Variants in ZDHHC5 observed in about 807,000 individuals in gnomAD.
ZDHHC5 encodes the protein zDHHC palmitoyltransferase 5.
A neutral mutation model predicts 70.0 loss-of-function variants in ZDHHC5; 22 were observed. That is an observed-to-expected ratio of 0.31 (90% CI 0.22 to 0.45). The LOEUF is 0.45. ZDHHC5 is among the 20% of genes least tolerant of loss of function. The pLI, the probability that ZDHHC5 is intolerant of heterozygous loss-of-function variation, is 1.00. For missense variants in ZDHHC5, 746 were observed against 926.9 expected, an observed-to-expected ratio of 0.80 and a Z score of 2.53; for synonymous variants, 313 against 347.8, an observed-to-expected ratio of 0.90 and a Z score of 1.11.
chr11:57,693,750 T>C, intron 7 of ZDHHC5, 33 bp from the exon 8 acceptor site: 1 of 1,521,520 alleles, frequency 6.6e-7, no homozygotes, highest in East Asian at 2.5e-5. Flanking sequence ...GCTCTCTCGC[T>C]GTGTCTCTCT....
intron 2 of ZDHHC5, among the ~76,000 whole-genome samples, chr11:57,677,938 A>C (rs529257900): frequency 1.3e-5 from 2 of 152,308 alleles, no homozygotes; most frequent in Admixed American, 1.3e-4. Context: ...GGGTACCACA[A>C]ATCAGGTGTT....
chr11:57,699,464 A>C (rs372927555), intron 11 of ZDHHC5, 46 bp downstream of exon 11: 3 of 1,515,944 alleles, frequency 2.0e-6, no homozygotes, highest in Non-Finnish European at 2.6e-6. Flanking sequence ...TCAAATTAGC[A>C]TACTGCTCTG....
At position 57,683,924 on chromosome 11, in the gene ZDHHC5, A is replaced by G. The variant is rs546700802; in HGVS notation, c.226+1381A>G. 5.3e-5 allele frequency among the ~76,000 whole-genome samples: 8 copies of G among 152,202 alleles called. No homozygotes were observed. In the East Asian group the frequency reaches 1.5e-3, roughly 29 times the overall value. On this transcript the variant is annotated intron_variant, in intron 3 of 11. Transcript: ENST00000287169. ...CAGTATTAGAAATTAGAGAGCTCCA[A>G]TAGTATGGAAACTCAAATTTCCCAT...
At chr11:57,669,208 G>C (rs1172674954) in intron 1 of ZDHHC5, among the ~76,000 whole-genome samples, 1 of 152,080 alleles carries the variant, frequency 6.6e-6, no homozygotes, top group Non-Finnish European at 1.5e-5. Flanking sequence ...CCCATACCTT[G>C]ACATGTGAAT....
rs1401334555 is a variant in ZDHHC5 at position 57,692,686 on chromosome 11, A to G, written c.736A>G (p.Ser246Gly). The change falls in exon 7 of 12, where the codon AGT (serine) becomes GGT (glycine). Residue 246 changes from serine to glycine, a missense_variant. Transcript: ENST00000287169. ...TAACAATGTCAGCCGTGTTCTCTGC[A>G]GTTCTCCAGCACCCAGGTACACCTA... ...CCNNVSRVLC[S>G]SPAPRYLGRP... The G allele has an allele frequency of 2.5e-6, 4 of 1,614,080 alleles. No homozygotes were observed. Among genetic ancestry groups the G allele is most frequent in the Non-Finnish European group, 8.5e-7 (1 of 1,180,016 alleles).
At chr11:57,674,329 T>C (rs2135378567) in intron 2 of ZDHHC5, among the ~76,000 whole-genome samples, 1 of 152,148 alleles carries the variant, frequency 6.6e-6, no homozygotes, top group Middle Eastern at 3.4e-3. Flanking sequence ...TTTTTTTTTT[T>C]TTTATTAAGC....
intron 2 of ZDHHC5, 91 bp downstream of exon 2, chr11:57,673,285 A>C (rs1019630932): frequency 1.6e-6 from 2 of 1,233,564 alleles, no homozygotes; most frequent in East Asian, 4.8e-5. Context: ...TGCAAAGCCA[A>C]GTGACTGAGA....
At chr11:57,678,688 G>A (rs1946107139) in intron 2 of ZDHHC5, among the ~76,000 whole-genome samples, 1 of 151,866 alleles carries the variant, frequency 6.6e-6, no homozygotes, top group Admixed American at 6.6e-5. Context: ...AGACCAGCCT[G>A]GCCAACATAG....
In ZDHHC5 at chr11:57,698,939, C is replaced by T. The variant is rs770718748; in HGVS notation, c.1503C>T (p.Phe501=). Residue 501 remains phenylalanine (F), a synonymous_variant, in exon 11 of 12, where the codon TTC becomes TTT. Transcript: ENST00000287169. ...PDPPLGYTSP[F]LSARLAQQRE... is the part of the protein sequence containing the mutation. ...CACCTTTAGGCTATACCTCTCCCTT[C>T]CTGTCAGCCAGGCTGGCCCAGCAAC... 3 of 1,613,966 alleles carry T rather than the reference C, an allele frequency of 1.9e-6. No homozygotes were observed. Among genetic ancestry groups the T allele is most frequent in the South Asian group, 1.1e-5 (1 of 91,076 alleles).
At chr11:57,690,548 C>A (rs975704463) in intron 6 of ZDHHC5, 111 bp downstream of exon 6, 2 of 1,146,826 alleles carry the variant, frequency 1.7e-6, no homozygotes, top group Non-Finnish European at 2.6e-6. Flanking sequence ...GAATACTTTT[C>A]ATGATTATGT....
At chr11:57,696,700 C>G in intron 9 of ZDHHC5, 61 bp from the exon 10 acceptor site, 1 of 1,466,152 alleles carries the variant, frequency 6.8e-7, no homozygotes, top group Non-Finnish European at 9.5e-7. Context: ...GAGTGAGACC[C>G]TGTCTCTTAA....
At chr11:57,669,149 A>G (rs1227838223) in intron 1 of ZDHHC5, among the ~76,000 whole-genome samples, 5 of 152,160 alleles carry the variant, frequency 3.3e-5, no homozygotes, top group Non-Finnish European at 5.9e-5. Context: ...GTATTTTGCT[A>G]CCTCGGTATA....
In ZDHHC5 at chr11:57,700,210, G is replaced by A. The variant is rs947738137; in HGVS notation, c.*179G>A. On this transcript the variant is annotated 3_prime_UTR_variant, in exon 12 of 12. Transcript: ENST00000287169. Reference sequence around the variant, plus strand: ...AGGCTTGGGGAGTCGGAGAGTTGGGGCCCTGAGACTGGGGTAGCAACCCCC... The same window carrying A: ...AGGCTTGGGGAGTCGGAGAGTTGGGACCCTGAGACTGGGGTAGCAACCCCC... 10 of 720,758 alleles carry A rather than the reference G, an allele frequency of 1.4e-5. No homozygotes were observed. In the South Asian group the frequency reaches 2.9e-4, roughly 21 times the overall value. 44.6% of individuals were successfully genotyped at this position (720,758 alleles called of 1,614,324 possible).
In ZDHHC5 at chr11:57,699,932, C is replaced by T. The variant is rs923105748; in HGVS notation, c.2049C>T (p.Ala683=). ...SNGQPKSLGS[A]SPGPGQPPLS... is the part of the protein sequence containing the mutation. ...GGCAGCCCAAGAGCTTAGGCTCAGC[C>T]TCCCCTGGCCCAGGCCAGCCACCTC... is the stretch of plus-strand genomic sequence containing the variant. Residue 683 remains alanine (A), a synonymous_variant, in exon 12 of 12, where the codon GCC becomes GCT. Transcript: ENST00000287169. The T allele has an allele frequency of 1.2e-5, 20 of 1,614,154 alleles. No homozygotes were observed. Among genetic ancestry groups the T allele is most frequent in the Middle Eastern group, 3.3e-4 (2 of 6,082 alleles).
Position 57,701,079 on chromosome 11 carries a change from C to T in ZDHHC5, c.*1048C>T. On this transcript the variant is annotated 3_prime_UTR_variant, in exon 12 of 12. Coordinates refer to ENST00000287169, the MANE Select transcript of ZDHHC5 (RefSeq NM_015457.3). ...GGTAGAGGGGATACCTGGGTTCTAA[C>T]CTCTAAATAGGGGAGATCCCAGCCT... 6.6e-6 allele frequency: 1 copy of T among 152,618 alleles called. No homozygotes were observed. The highest frequency in any genetic ancestry group is 1.9e-4 in the East Asian group (1 of 5,186). 9.5% of individuals were successfully genotyped at this position (152,618 alleles called of 1,614,324 possible). A position where few individuals can be genotyped will look rare whatever the true frequency, so the allele number is the denominator to read the frequency against.
chr11:57,695,878 C>G, intron 8 of ZDHHC5, 42 bp from the exon 9 acceptor site: 2 of 1,600,480 alleles, frequency 1.2e-6, no homozygotes, highest in Middle Eastern at 3.4e-4. Context: ...TGCCATAATG[C>G]TCAATTTCTA....
At chr11:57,669,122 C>T (rs1945966601) in intron 1 of ZDHHC5, among the ~76,000 whole-genome samples, 1 of 152,180 alleles carries the variant, frequency 6.6e-6, no homozygotes, top group African/African-American at 2.4e-5. Context: ...TTAATGTTTA[C>T]AAAATTATAT....
intron 7 of ZDHHC5, among the ~76,000 whole-genome samples, chr11:57,693,451 C>T (rs941839854): frequency 1.2e-4 from 19 of 152,168 alleles, no homozygotes; most frequent in South Asian, 2.1e-4. Context: ...TACTGGTCTG[C>T]GGCCCAGGGG....
chr11:57,675,792 A>C (rs751897794), intron 2 of ZDHHC5, among the ~76,000 whole-genome samples: 1 of 152,188 alleles, frequency 6.6e-6, no homozygotes, highest in African/African-American at 2.4e-5. Context: ...GGGCTGAGGC[A>C]CCACTGTTCT....
Sources: allele counts gnomAD v4.1 joint callset (sites outside exome capture counted in the v4.1 genomes callset), GRCh38; gene constraint gnomAD v4.1.1; transcripts MANE v1.5; gene names NCBI Gene and HGNC (gene_info 2026-07-23, HGNC 2026-07-21).